FANCD2OS: variants seen among roughly 807,000 people sequenced by gnomAD.
The protein encoded by FANCD2OS is FANCD2 opposite strand.
Under a neutral mutation model 13.2 loss-of-function variants are expected in FANCD2OS, and 11 were observed. The ratio of observed to expected loss-of-function variants is 0.83; its 90% confidence interval spans 0.52 to 1.38. The LOEUF (loss-of-function observed/expected upper bound fraction) is 1.38. FANCD2OS is among the 40% of genes most tolerant of loss of function. FANCD2OS has a pLI of 0.00. For synonymous variants in FANCD2OS, 69 were observed against 84.5 expected, an observed-to-expected ratio of 0.82 and a Z score of 1.01; for missense variants, 217 against 213.9, an observed-to-expected ratio of 1.01 and a Z score of -0.09.
chr3:10,104,152 C>T lies in FANCD2OS; in HGVS notation c.*89G>A. ...AAGCAAGATGGCTGGGACAATGTCA[C>T]AGTTTCATTTACATGGACAGGTTTC... is the stretch of plus-strand genomic sequence containing the variant. On this transcript the variant is annotated 3_prime_UTR_variant, in exon 2 of 2. Transcript: ENST00000450660. 1 of 1,205,596 alleles carries T rather than the reference C, an allele frequency of 8.3e-7. No homozygotes were observed. Among genetic ancestry groups the T allele is most frequent in the Non-Finnish European group, 1.1e-6 (1 of 871,780 alleles). The allele number at this position is 1,205,596 out of a possible 1,614,324, so 74.7% of individuals were successfully genotyped here.
chr3:10,101,050 A>G (rs1695269656), downstream of FANCD2OS: 3 of 623,458 alleles, frequency 4.8e-6, no homozygotes, highest in East Asian at 3.0e-5. Context: ...GCCTGGTGAC[A>G]GAGCAAGACT....
intron 2 of FANCD2OS, among the ~76,000 whole-genome samples, chr3:10,086,691 T>G (rs1028642905): frequency 1.3e-5 from 2 of 152,150 alleles, no homozygotes; most frequent in Non-Finnish European, 2.9e-5. Flanking sequence ...GTGGCCAGGC[T>G]GGTCTCTAAT....
intron 2 of FANCD2OS, chr3:10,081,649 T>C: frequency 4.6e-6 from 3 of 648,244 alleles, no homozygotes; most frequent in Non-Finnish European, 8.3e-6. Context: ...CTGAGTCCTT[T>C]GGAGCCACTA....
At chr3:10,100,866 TTG>T (rs1385140427), downstream of FANCD2OS, among the ~76,000 whole-genome samples, 2 of 151,898 alleles carry the variant, frequency 1.3e-5, no homozygotes, top group African/African-American at 4.8e-5. Context: ...GGCCAGGAGT[TTG>T]AGACCAGCCT....
intron 2 of FANCD2OS, chr3:10,090,275 C>T: frequency 6.3e-7 from 1 of 1,598,186 alleles, no homozygotes; most frequent in African/African-American, 1.3e-5. Context: ...GGCACGCATG[C>T]TTTTCCCGTC....
chr3:10,102,047 G>A (rs1425335419), downstream of FANCD2OS: 2 of 169,956 alleles, frequency 1.2e-5, no homozygotes, highest in African/African-American at 2.4e-5. Context: ...TAGTTCTGCC[G>A]ATTAAAATCA....
downstream of FANCD2OS, chr3:10,101,331 A>G (rs1695286974): frequency 8.6e-7 from 1 of 1,166,506 alleles, no homozygotes; most frequent in Non-Finnish European, 1.3e-6. Context: ...TAGAGTTTGA[A>G]ATCCGCTGTT....
downstream of FANCD2OS, among the ~76,000 whole-genome samples, chr3:10,103,632 G>C (rs1402870896): frequency 1.3e-5 from 2 of 152,104 alleles, no homozygotes; most frequent in Non-Finnish European, 2.9e-5. Context: ...CTAAAATGGA[G>C]ACTCATGAGT....
chr3:10,085,686 G>T, intron 2 of FANCD2OS: 4 of 749,460 alleles, frequency 5.3e-6, no homozygotes, highest in Middle Eastern at 3.4e-4. Context: ...CACCACGCCC[G>T]ACCTCTCAAT....
intron 2 of FANCD2OS, among the ~76,000 whole-genome samples, chr3:10,089,406 G>A (rs1694445459): frequency 6.6e-6 from 1 of 152,138 alleles, no homozygotes; most frequent in East Asian, 1.9e-4. Flanking sequence ...AATAAAGAGA[G>A]TCTGTTATGC....
At chr3:10,104,927 T>C in intron 1 of FANCD2OS, 145 bp from the exon 2 acceptor site, 3 of 500,804 alleles carry the variant, frequency 6.0e-6, no homozygotes, top group African/African-American at 2.0e-5. Context: ...GTTAGGATAT[T>C]AGTAATTATT....
chr3:10,082,791 T>C (rs1693925691), intron 2 of FANCD2OS, among the ~76,000 whole-genome samples: 2 of 152,214 alleles, frequency 1.3e-5, no homozygotes, highest in South Asian at 4.1e-4. Context: ...TTTATTATAA[T>C]TACTTGTTCA....
chr3:10,085,394 C>CTTT (rs1242296810), intron 2 of FANCD2OS, among the ~76,000 whole-genome samples: 27 of 136,904 alleles, frequency 2.0e-4, no homozygotes, highest in African/African-American at 6.7e-4. Context: ...TTTTTTCTTT[C>CTTT]TTTTTTTTTT....
At chr3:10,099,654 A>G (rs1368215273), downstream of FANCD2OS, 1 of 153,534 alleles carries the variant, frequency 6.5e-6, no homozygotes, top group Non-Finnish European at 1.4e-5. Flanking sequence ...GCTACTTGGG[A>G]GGCTGAGGCA....
At chr3:10,095,677 A>G (rs1401922636) in intron 2 of FANCD2OS, among the ~76,000 whole-genome samples, 1 of 152,200 alleles carries the variant, frequency 6.6e-6, no homozygotes, top group African/African-American at 2.4e-5. Context: ...GAACTCATCT[A>G]TGTCTTATGA....
At chr3:10,099,202 G>A, downstream of FANCD2OS, 1 of 1,379,614 alleles carries the variant, frequency 7.2e-7, no homozygotes, top group Non-Finnish European at 9.4e-7. Context: ...ATAGAAATGT[G>A]AAAGCATTTG....
chr3:10,102,842 CAA>C (rs781512105), downstream of FANCD2OS: 1,416 of 67,594 alleles, frequency 0.021, no homozygotes, highest in South Asian at 0.066. Context: ...GACTCCGTCT[CAA>C]AAAAAAAAAA....
At chr3:10,095,732 T>C (rs1411850791) in intron 2 of FANCD2OS, among the ~76,000 whole-genome samples, 1 of 152,226 alleles carries the variant, frequency 6.6e-6, no homozygotes, top group East Asian at 1.9e-4. Flanking sequence ...AGCCTTCTTA[T>C]AGTTAATGAG....
At chr3:10,088,686 G>A (rs1694389693) in intron 2 of FANCD2OS, 2 of 1,112,240 alleles carry the variant, frequency 1.8e-6, no homozygotes, top group African/African-American at 1.5e-5. Flanking sequence ...TTTGGAACAT[G>A]TGGATCTTAA....
Sources: gnomAD v4.1 joint callset for allele counts (sites outside exome capture counted in the v4.1 genomes callset) on GRCh38, gnomAD v4.1.1 for gene constraint, MANE v1.5 for transcripts, NCBI Gene and HGNC (gene_info 2026-07-23, HGNC 2026-07-21) for gene names.